The following IGFBP2 variants were observed in gnomAD, a reference collection of about 807,000 sequenced individuals.
IGFBP2 encodes the protein insulin like growth factor binding protein 2.
In IGFBP2, 12 loss-of-function variants were observed where a neutral mutation model predicts 26.2. That is an observed-to-expected ratio of 0.46 (90% CI 0.29 to 0.74). IGFBP2 has a LOEUF of 0.74. Among genes scored for constraint, IGFBP2 ranks in the 30% least tolerant of loss-of-function variants. The probability of loss-of-function intolerance (pLI) is 0.09; values close to 1 mark genes in which losing one functional copy is unlikely to be tolerated. For synonymous variants in IGFBP2, 189 were observed against 200.6 expected (o/e 0.94, Z 0.49); for missense variants, 328 against 441.2 (o/e 0.74, Z 2.30).
At chr2:216,662,557 C>T (rs1309722560) in intron 3 of IGFBP2, 1 of 155,198 alleles carries the variant, frequency 6.4e-6, no homozygotes, top group Non-Finnish European at 1.4e-5. Flanking sequence ...ATTGTAAATA[C>T]ATTGGAGAAA....
At chr2:216,648,165 G>C (rs941345095) in intron 1 of IGFBP2, among the ~76,000 whole-genome samples, 1 of 152,118 alleles carries the variant, frequency 6.6e-6, no homozygotes, top group Non-Finnish European at 1.5e-5. Flanking sequence ...TTTTCTCTCT[G>C]GTCCTTGGGG....
intron 3 of IGFBP2, chr2:216,663,656 C>T (rs1688701106): frequency 1.5e-5 from 5 of 330,320 alleles, no homozygotes; most frequent in Middle Eastern, 9.0e-4. Context: ...TTTTCATCTT[C>T]GGGTGTCCTG....
intron 1 of IGFBP2, among the ~76,000 whole-genome samples, chr2:216,651,216 T>C (rs1697817365): frequency 6.6e-6 from 1 of 152,134 alleles, no homozygotes; most frequent in South Asian, 2.1e-4. Flanking sequence ...CCTTCCTCTT[T>C]CCTAACTTCT....
chr2:216,636,280 C>G (rs1029656032), intron 1 of IGFBP2, among the ~76,000 whole-genome samples: 3 of 152,170 alleles, frequency 2.0e-5, no homozygotes, highest in African/African-American at 4.8e-5. Context: ...TGAGCACCCC[C>G]CCTCCAGCCT....
rs74615494 is a variant in IGFBP2, at chr2:216,655,349, G to A, written c.443-5208G>A. On this transcript the variant is annotated intron_variant, in intron 1 of 3. Coordinates refer to ENST00000233809, the MANE Select transcript of IGFBP2 (RefSeq NM_000597.3). Reference sequence around the variant, plus strand: ...GTGGAGGTAACTGAATCATGGGGGTGGGTCCCCCATGTTGTTCTCGTGATA... The same window carrying A: ...GTGGAGGTAACTGAATCATGGGGGTAGGTCCCCCATGTTGTTCTCGTGATA... Among the ~76,000 whole-genome samples the A allele has an allele frequency of 4.4e-3, 673 of 152,262 alleles. 6 individuals are homozygous for A. Among genetic ancestry groups the A allele is most frequent in the African/African-American group, 0.015 (617 of 41,542 alleles).
At chr2:216,659,305 A>G (rs988772647) in intron 1 of IGFBP2, among the ~76,000 whole-genome samples, 5 of 152,234 alleles carry the variant, frequency 3.3e-5, no homozygotes, top group African/African-American at 1.2e-4. Context: ...GAGTTACTCT[A>G]AGAATTATTC....
chr2:216,640,680 C>T (rs1697594174), intron 1 of IGFBP2, among the ~76,000 whole-genome samples: 1 of 152,200 alleles, frequency 6.6e-6, no homozygotes, highest in Admixed American at 6.5e-5. Flanking sequence ...GGTACCTTCC[C>T]ACTGCACCCC....
intron 1 of IGFBP2, among the ~76,000 whole-genome samples, chr2:216,652,227 G>T (rs9341168): frequency 2.7e-5 from 4 of 148,764 alleles, no homozygotes; most frequent in African/African-American, 1.0e-4. Context: ...AGGCTGGAGC[G>T]CAATGGCGCG....
At position 216,660,572 on chromosome 2, in the gene IGFBP2, A is replaced by C; in HGVS notation, c.458A>C (p.His153Pro). The change falls in exon 2 of 4, where the codon CAC becomes CCC. Residue 153 changes from histidine to proline, a missense_variant. Physicochemically the swap from His to Pro is moderately conservative, Grantham distance 77. Transcript: ENST00000233809. Reference protein sequence around the residue: ...PEQVADNGDDHSEGGLVENHV... With the variant: ...PEQVADNGDDPSEGGLVENHV... ...CTCTTGGCAGACAATGGCGATGACC[A>C]CTCAGAAGGAGGCCTGGTGGAGAAC... is the stretch of plus-strand genomic sequence containing the variant. 1 of 1,607,342 alleles carries C rather than the reference A, an allele frequency of 6.2e-7. No homozygotes were observed. The highest frequency in any genetic ancestry group is 8.5e-7 in the Non-Finnish European group (1 of 1,175,866).
intron 1 of IGFBP2, among the ~76,000 whole-genome samples, chr2:216,653,752 G>A (rs1356576558): frequency 6.6e-6 from 1 of 152,136 alleles, no homozygotes; most frequent in Non-Finnish European, 1.5e-5. Context: ...CCGACTAATG[G>A]CTCTGGGGTT....
Position 216,633,742 on chromosome 2 carries a change from G to A in IGFBP2, c.219G>A (p.Met73Ile). 1 of 1,282,384 alleles carries A rather than the reference G, an allele frequency of 7.8e-7. No individual in the cohort carries two copies. The highest frequency in any genetic ancestry group is 9.8e-7 in the Non-Finnish European group (1 of 1,017,312). The allele number at this position is 1,282,384 out of a possible 1,614,324, so 79.4% of individuals were successfully genotyped here. A position where few individuals can be genotyped will look rare whatever the true frequency, so the allele number is the denominator to read the frequency against. ...AVAAVAGGAR[M>I]PCAELVREPG... ...CCGCAGTGGCCGGAGGCGCCCGCAT[G>A]CCATGCGCGGAGCTCGTCCGGGAGC... Residue 73 changes from methionine (M) to isoleucine (I), a missense_variant, in exon 1 of 4, where the codon ATG (methionine) becomes ATA (isoleucine). Met to Ile is a conservative substitution (Grantham distance 10). Coordinates refer to ENST00000233809, the MANE Select transcript of IGFBP2 (RefSeq NM_000597.3).
intron 1 of IGFBP2, among the ~76,000 whole-genome samples, chr2:216,645,993 T>C (rs1196344861): frequency 6.6e-6 from 1 of 152,206 alleles, no homozygotes; most frequent in Non-Finnish European, 1.5e-5. Flanking sequence ...AGGAAGGTAA[T>C]TGATGTGATA....
chr2:216,633,579 CGCT>C lies in IGFBP2; in HGVS notation c.69_71del (p.Leu25del). ...CCGCTGCCGCCGCCGCCGCTGCTGCCGCTGCTGCTGCTGCTACTGGGCGCGAGT... is the reference window on the plus strand; with the variant it reads ...CCGCTGCCGCCGCCGCCGCTGCTGCCGCTGCTGCTGCTACTGGGCGCGAGT... On this transcript the variant is annotated inframe_deletion, in exon 1 of 4. Coordinates refer to ENST00000233809, the MANE Select transcript of IGFBP2 (RefSeq NM_000597.3). The C allele has an allele frequency of 1.1e-5, 11 of 1,016,384 alleles. No individual in the cohort carries two copies. The highest frequency in any genetic ancestry group is 5.8e-5 in the Admixed American group (1 of 17,288). The allele number at this position is 1,016,384 out of a possible 1,614,324, so 63.0% of individuals were successfully genotyped here.
intron 1 of IGFBP2, among the ~76,000 whole-genome samples, chr2:216,638,493 G>A (rs1018082931): frequency 6.6e-5 from 10 of 151,396 alleles, no homozygotes; most frequent in African/African-American, 2.4e-4. Context: ...CAACAAGAGT[G>A]AAACTCCGTC....
Position 216,643,294 on chromosome 2 carries a change from C to T in IGFBP2, c.442+9329C>T, listed in dbSNP as rs191711626. ...GGGGCTGTTGGATTCTCCATAGAAA[C>T]GCTGGGTTGGGGGAGTGTCTTCTGA... On this transcript the variant is annotated intron_variant, in intron 1 of 3. Transcript: ENST00000233809. Among the ~76,000 whole-genome samples the T allele has an allele frequency of 1.1e-4, 17 of 152,266 alleles. No homozygotes were observed. The East Asian group carries it at 1.5e-3, about 14-fold the overall frequency.
chr2:216,635,683 C>T (rs1468880376), intron 1 of IGFBP2, among the ~76,000 whole-genome samples: 1 of 151,858 alleles, frequency 6.6e-6, no homozygotes, highest in South Asian at 2.1e-4. Flanking sequence ...TCCCTGAAGC[C>T]GGTTAGGGTC....
At chr2:216,634,026 G>A in intron 1 of IGFBP2, 61 bp downstream of exon 1, 1 of 1,516,692 alleles carries the variant, frequency 6.6e-7, no homozygotes, top group Non-Finnish European at 8.8e-7. Flanking sequence ...AAGCCCGACG[G>A]GCGGCTGGAC....
intron 1 of IGFBP2, among the ~76,000 whole-genome samples, chr2:216,649,667 C>T (rs1402679304): frequency 6.6e-6 from 1 of 152,210 alleles, no homozygotes; most frequent in African/African-American, 2.4e-5. Flanking sequence ...GCTCACGGGG[C>T]CCCAGAGGAC....
chr2:216,641,775 C>T (rs1697619032), intron 1 of IGFBP2, among the ~76,000 whole-genome samples: 1 of 150,796 alleles, frequency 6.6e-6, no homozygotes, highest in Non-Finnish European at 1.5e-5. Context: ...CTGCAAGCTC[C>T]ACCTCCTGGG....
Sources: gnomAD v4.1 joint callset for allele counts (sites outside exome capture counted in the v4.1 genomes callset) on GRCh38, gnomAD v4.1.1 for gene constraint, MANE v1.5 for transcripts, NCBI Gene and HGNC (gene_info 2026-07-23, HGNC 2026-07-21) for gene names.